The following MAP2K5 variants were observed in gnomAD, a reference collection of about 807,000 sequenced individuals.
MAP2K5 encodes mitogen-activated protein kinase kinase 5.
A neutral mutation model predicts 83.1 loss-of-function variants in MAP2K5; 49 were observed. The observed-to-expected ratio is 0.59, with a 90% CI of 0.47 to 0.75. The LOEUF (loss-of-function observed/expected upper bound fraction) is 0.75, where lower values mean the gene tolerates loss of function less well. MAP2K5 is among the 30% of genes least tolerant of loss of function. MAP2K5 has a pLI of 0.00. For synonymous variants in MAP2K5, 202 were observed against 191.8 expected (o/e 1.05, Z -0.44); for missense variants, 457 against 557.5 (o/e 0.82, Z 1.82).
chr15:67,649,020 G>A, intron 11 of MAP2K5, among the ~76,000 whole-genome samples: 1 of 152,078 alleles, frequency 6.6e-6, no homozygotes, highest in Non-Finnish European at 1.5e-5. Flanking sequence ...CACTGTATAA[G>A]GTTCCATTTT....
intron 3 of MAP2K5, among the ~76,000 whole-genome samples, chr15:67,574,826 C>T (rs1241486331): frequency 1.3e-5 from 2 of 152,008 alleles, no homozygotes; most frequent in African/African-American, 4.8e-5. Flanking sequence ...GAGATCGTAC[C>T]GCTGCACTCC....
intron 11 of MAP2K5, among the ~76,000 whole-genome samples, chr15:67,647,924 C>T (rs1037105422): frequency 6.6e-6 from 1 of 151,848 alleles, no homozygotes; most frequent in Non-Finnish European, 1.5e-5. Flanking sequence ...CCTGTAGTCT[C>T]AGTTACTCTG....
chr15:67,580,767 T>C lies in MAP2K5; in HGVS notation c.266T>C (p.Val89Ala). The change falls in exon 4 of 22, where the codon GTA (valine) becomes GCA (alanine). Residue 89 changes from valine (V) to alanine (A), a missense_variant. Physicochemically the swap from Val to Ala is moderately conservative, Grantham distance 64 (BLOSUM62 0). Coordinates refer to ENST00000178640, the MANE Select transcript of MAP2K5 (RefSeq NM_145160.3). Reference protein sequence around the residue: ...KAMLSYYYSTVMEQQVNGQLI... With the variant: ...KAMLSYYYSTAMEQQVNGQLI... ...ATCTCTTTGCAGTATTATTCCACAG[T>C]AATGGAACAGCAAGTAAATGGACAG... is the stretch of plus-strand genomic sequence containing the variant. 5 of 1,602,920 alleles carry C rather than the reference T, an allele frequency of 3.1e-6. No individual in the cohort carries two copies. Among genetic ancestry groups the C allele is most frequent in the Non-Finnish European group, 4.3e-6 (5 of 1,170,910 alleles).
chr15:67,796,902 T>C (rs1050591313), intron 21 of MAP2K5, among the ~76,000 whole-genome samples: 2 of 152,058 alleles, frequency 1.3e-5, no homozygotes, highest in African/African-American at 4.8e-5. Flanking sequence ...GAGGAAAGGG[T>C]GTGGAAATGC....
intron 13 of MAP2K5, among the ~76,000 whole-genome samples, chr15:67,689,928 C>G (rs1035897076): frequency 6.6e-6 from 1 of 152,224 alleles, no homozygotes; most frequent in Admixed American, 6.5e-5. Flanking sequence ...AACCCATGCT[C>G]CACGGGCCAC....
rs540721778 is a variant in MAP2K5, at chr15:67,675,096, G to A, written c.847+10451G>A. 2.8e-4 allele frequency among the ~76,000 whole-genome samples: 42 copies of A among 152,242 alleles called. 1 individual carries two copies. The highest frequency in any genetic ancestry group is 6.8e-3 in the Middle Eastern group (2 of 294). On this transcript the variant is annotated intron_variant, in intron 13 of 21. Transcript: ENST00000178640. ...TATGACCCAGCAATTGCATTCCTGGGCATTTATCCCAGAGAAATGAAGACT... is the reference window on the plus strand; with the variant it reads ...TATGACCCAGCAATTGCATTCCTGGACATTTATCCCAGAGAAATGAAGACT...
chr15:67,627,111 G>T (rs955789221), intron 8 of MAP2K5, among the ~76,000 whole-genome samples: 7 of 151,922 alleles, frequency 4.6e-5, no homozygotes, highest in Non-Finnish European at 7.4e-5. Context: ...ACGATGCCAG[G>T]TAATTATTTT....
chr15:67,596,044 A>T (rs1283817993), intron 7 of MAP2K5, among the ~76,000 whole-genome samples: 2 of 151,918 alleles, frequency 1.3e-5, no homozygotes, highest in Non-Finnish European at 2.9e-5. Context: ...CTGATAAATC[A>T]AGTATAAATC....
intron 21 of MAP2K5, among the ~76,000 whole-genome samples, chr15:67,806,315 C>A (rs1425899539): frequency 1.3e-5 from 2 of 152,214 alleles, no homozygotes; most frequent in Non-Finnish European, 2.9e-5. Flanking sequence ...CGAGTGATGC[C>A]GGGCAGAGGA....
Position 67,722,548 on chromosome 15 carries a change from A to T in MAP2K5, c.1045-5368A>T, listed in dbSNP as rs978798475. Among the ~76,000 whole-genome samples the T allele has an allele frequency of 6.6e-6, 1 of 152,140 alleles. No individual in the cohort carries two copies. Among genetic ancestry groups the T allele is most frequent in the Non-Finnish European group, 1.5e-5 (1 of 68,016 alleles). On this transcript the variant is annotated intron_variant, in intron 16 of 21. Transcript: ENST00000178640. This position sits in a 1 kb window ranked among gnomAD's most constrained non-coding sequence, Gnocchi z 4.2. Reference sequence around the variant, plus strand: ...AGAACAGTGAAATTGATACATGGGGAAAAAAGTAAAATCTTAGAGTAGATT... The same window carrying T: ...AGAACAGTGAAATTGATACATGGGGTAAAAAGTAAAATCTTAGAGTAGATT...
chr15:67,692,788 C>G (rs557809852), intron 14 of MAP2K5, among the ~76,000 whole-genome samples: 40 of 152,194 alleles, frequency 2.6e-4, no homozygotes, highest in Middle Eastern at 3.4e-3. Flanking sequence ...TTACTACTTA[C>G]GAATAGCAAA....
Position 67,543,452 on chromosome 15 carries a change from A to G in MAP2K5, c.117A>G (p.Leu39=), listed in dbSNP as rs760421609. 1.2e-6 allele frequency: 2 copies of G among 1,613,988 alleles called. No homozygotes were observed. Among genetic ancestry groups the G allele is most frequent in the East Asian group, 2.2e-5 (1 of 44,872 alleles). Residue 39 remains leucine (L), a synonymous_variant, in exon 1 of 22, where the codon TTA becomes TTG. Transcript: ENST00000178640. The surrounding 1 kb of genome is among the most constrained non-coding windows in gnomAD (Gnocchi z 4.3). ...GGACAGTGCACTCCGGGCCGCAGTT[A>G]CTCTTCAGGGATGTGCTGGTGAGTG... is the stretch of plus-strand genomic sequence containing the variant. ...VDWTVHSGPQ[L]LFRDVLDVIG...
intron 13 of MAP2K5, among the ~76,000 whole-genome samples, chr15:67,673,581 T>G (rs1804878094): frequency 1.3e-5 from 2 of 152,080 alleles, no homozygotes; most frequent in Admixed American, 1.3e-4. Context: ...TGTGTAAAAG[T>G]TGGGATTTGG....
At chr15:67,803,683 G>T (rs58551615) in intron 21 of MAP2K5, among the ~76,000 whole-genome samples, 13,074 of 152,232 alleles carry the variant, frequency 0.086, 707 homozygotes, top group Admixed American at 0.1. Context: ...GGAGGAGGGG[G>T]AGTCAGTGAC....
rs564621174 is a variant in MAP2K5, at chr15:67,746,294, A to G, written c.1075-1937A>G. On this transcript the variant is annotated intron_variant, in intron 17 of 21. Transcript: ENST00000178640. This position sits in a 1 kb window ranked among gnomAD's most constrained non-coding sequence, Gnocchi z 4.1. ...AGAATGTTTGCTGCATGTTCTCCTC[A>G]GAGAATGTTGTCATCCCCCTGACTC... is the stretch of plus-strand genomic sequence containing the variant. 6.6e-6 allele frequency among the ~76,000 whole-genome samples: 1 copy of G among 152,278 alleles called. No individual in the cohort carries two copies. The highest frequency in any genetic ancestry group is 6.5e-5 in the Admixed American group (1 of 15,298).
intron 11 of MAP2K5, among the ~76,000 whole-genome samples, chr15:67,648,218 T>C (rs1204220683): frequency 6.6e-6 from 1 of 152,144 alleles, no homozygotes; most frequent in Non-Finnish European, 1.5e-5. Context: ...TACCTATTAG[T>C]ACTCACTCTC....
At chr15:67,606,611 T>TG (rs1472068538) in intron 8 of MAP2K5, among the ~76,000 whole-genome samples, 1 of 152,156 alleles carries the variant, frequency 6.6e-6, no homozygotes, top group Non-Finnish European at 1.5e-5. Flanking sequence ...GGATGGTCCT[T>TG]GGAGGTGGTA....
At chr15:67,545,145 C>G (rs148432349) in intron 1 of MAP2K5, among the ~76,000 whole-genome samples, 2 of 152,308 alleles carry the variant, frequency 1.3e-5, no homozygotes, top group Non-Finnish European at 2.9e-5. Flanking sequence ...TCCCACCTGT[C>G]CTTCCAAGCC....
intron 8 of MAP2K5, chr15:67,628,665 A>G: frequency 4.2e-6 from 4 of 952,756 alleles, no homozygotes; most frequent in Non-Finnish European, 6.7e-6. Flanking sequence ...TCATTCAGAA[A>G]TAACCATACT....
Sources: allele counts gnomAD v4.1 joint callset (sites outside exome capture counted in the v4.1 genomes callset), GRCh38; gene constraint gnomAD v4.1.1; non-coding constraint Gnocchi (gnomAD v3.1); transcripts MANE v1.5; gene names NCBI Gene and HGNC (gene_info 2026-07-23, HGNC 2026-07-21).